Variants in PRDM11 observed in about 807,000 individuals in gnomAD.
PRDM11 encodes the protein PR domain-containing protein 11.
PRDM11 carries 20 observed loss-of-function variants against 97.8 expected under a neutral mutation model. The ratio of observed to expected loss-of-function variants is 0.20; its 90% CI spans 0.14 to 0.30. The LOEUF (loss-of-function observed/expected upper bound fraction) is 0.30, where lower values mean the gene tolerates loss of function less well. PRDM11 is among the 10% of genes least tolerant of loss of function. The pLI is 1.00. For missense variants in PRDM11, 1,139 were observed against 1,555.2 expected (o/e 0.73, Z 4.50); for synonymous variants, 599 against 637.7 (o/e 0.94, Z 0.91).
upstream of PRDM11, chr11:45,146,540 T>C (rs1565261959): frequency 6.6e-6 from 1 of 151,774 alleles, no homozygotes. Flanking sequence ...GGGAGTTTTC[T>C]CCGGGGCCGG....
intron 1 of PRDM11, among the ~76,000 whole-genome samples, chr11:45,106,138 G>C (rs1852057456): frequency 6.6e-6 from 1 of 152,180 alleles, no homozygotes; most frequent in Non-Finnish European, 1.5e-5. Context: ...CGTGGCCCCA[G>C]AGGGAAGGAA....
chr11:45,206,236 C>T (rs1208823355), intron 5 of PRDM11, among the ~76,000 whole-genome samples: 2 of 152,210 alleles, frequency 1.3e-5, no homozygotes, highest in Non-Finnish European at 2.9e-5. Context: ...CCCGGGCTCA[C>T]ACCTCCTACC....
At chr11:45,179,630 G>A (rs541418683) in intron 1 of PRDM11, among the ~76,000 whole-genome samples, 28 of 152,304 alleles carry the variant, frequency 1.8e-4, no homozygotes, top group Middle Eastern at 3.4e-3. Context: ...TCCTCATGGT[G>A]GAGAGGGCCC....
intron 5 of PRDM11, chr11:45,208,835 C>T (rs1288298878): frequency 2.5e-6 from 1 of 394,564 alleles, no homozygotes; most frequent in Non-Finnish European, 5.2e-6. Context: ...CATTGACGGT[C>T]ATTTACCCAA....
In PRDM11 at chr11:45,224,219, G is replaced by C. The variant is rs60636528; in HGVS notation, c.745G>C (p.Glu249Gln). Reference sequence around the variant, plus strand: ...TACACCCTGGTTTTCCTTCCTAGGAGAGAAGAGGTTGCAGAGGGAGAAGTC... The same window carrying C: ...TACACCCTGGTTTTCCTTCCTAGGACAGAAGAGGTTGCAGAGGGAGAAGTC... ...ETIHRNLARG[E>Q]KRLQREKSEQ... The change falls in exon 7 of 8, where the codon GAG (glutamate) becomes CAG (glutamine). Residue 249 changes from glutamate to glutamine, a missense_variant and splice_region_variant. This residue lies in a region of PRDM11 where 429 missense variants were observed against 510.3 expected (regional missense o/e 0.84). Coordinates refer to ENST00000683152, the MANE Select transcript of PRDM11 (RefSeq NM_001384648.1). 24 of 1,577,894 alleles carry C rather than the reference G, an allele frequency of 1.5e-5. No individual in the cohort carries two copies. In the East Asian group the frequency reaches 5.4e-4, roughly 35 times the overall value.
intron 2 of PRDM11, 79 bp from the exon 3 acceptor site, chr11:45,182,167 G>A: frequency 2.3e-6 from 3 of 1,293,618 alleles, no homozygotes; most frequent in Non-Finnish European, 3.3e-6. Context: ...TCCTGGCCAG[G>A]TCCCCAGCTT....
At chr11:45,108,108 G>C (rs1427835160) in intron 1 of PRDM11, among the ~76,000 whole-genome samples, 1 of 152,114 alleles carries the variant, frequency 6.6e-6, no homozygotes, top group African/African-American at 2.4e-5. Context: ...GATTACAAGC[G>C]TGAGCCACTG....
intron 1 of PRDM11, among the ~76,000 whole-genome samples, chr11:45,104,863 C>T (rs921906549): frequency 3.3e-5 from 5 of 152,176 alleles, no homozygotes; most frequent in Admixed American, 6.5e-5. Context: ...AAGCAGCTTC[C>T]CAGGCCTCCT....
rs949576150 is a variant in PRDM11, at chr11:45,224,404, G to A, written c.930G>A (p.Glu310=). ...KIDLIFKDVL[E]ASLESAKVEA... ...ACCTGATTTTCAAGGATGTTCTGGA[G>A]GCCTCACTGGAATCTGCGAAGGTGG... is the stretch of plus-strand genomic sequence containing the variant. Residue 310 remains glutamate, a synonymous_variant, in exon 7 of 8, where the codon GAG becomes GAA. Coordinates refer to ENST00000683152, the MANE Select transcript of PRDM11 (RefSeq NM_001384648.1). The A allele has an allele frequency of 1.2e-6, 2 of 1,614,072 alleles. No homozygotes were observed. The highest frequency in any genetic ancestry group is 1.1e-5 in the South Asian group (1 of 91,088).
chr11:45,214,324 T>G (rs1853889921), intron 5 of PRDM11: 1 of 151,984 alleles, frequency 6.6e-6, no homozygotes, highest in Non-Finnish European at 1.5e-5. Context: ...CTCTGTGTCC[T>G]TTTTTTTCCC....
At chr11:45,115,615 G>T (rs1254923007) in intron 1 of PRDM11, among the ~76,000 whole-genome samples, 7 of 152,122 alleles carry the variant, frequency 4.6e-5, no homozygotes, top group Non-Finnish European at 1.0e-4. Context: ...AAGACAAAAA[G>T]TTATATCATG....
chr11:45,133,170 A>C (rs1265122410), intron 1 of PRDM11, among the ~76,000 whole-genome samples: 4 of 152,224 alleles, frequency 2.6e-5, no homozygotes, highest in Non-Finnish European at 5.9e-5. Flanking sequence ...AAATAGCTCA[A>C]AAAGATAATC....
In PRDM11 at chr11:45,225,095, G is replaced by T. The variant is rs1041315981; in HGVS notation, c.1369+252G>T. On this transcript the variant is annotated intron_variant, in intron 7 of 7. Transcript: ENST00000683152. ...TAAAGGAAGTTCCGCTGCAGAAGGG[G>T]TGTGTGCTGTGTTCTTGACCCGTTG... is the stretch of plus-strand genomic sequence containing the variant. The T allele has an allele frequency of 3.5e-5, 50 of 1,432,912 alleles. 1 individual carries two copies. In the Middle Eastern group the frequency reaches 1.0e-3, roughly 29 times the overall value. The allele number at this position is 1,432,912 out of a possible 1,614,324, so 88.8% of individuals were successfully genotyped here.
chr11:45,094,170 A>T (rs1049870573), upstream of PRDM11, among the ~76,000 whole-genome samples: 1 of 152,240 alleles, frequency 6.6e-6, no homozygotes, highest in African/African-American at 2.4e-5. Flanking sequence ...GCAAGTAGCT[A>T]GCATGCAGTT....
upstream of PRDM11, among the ~76,000 whole-genome samples, chr11:45,145,629 A>G (rs1204096665): frequency 6.6e-6 from 1 of 152,158 alleles, no homozygotes; most frequent in East Asian, 1.9e-4. Flanking sequence ...TTACTGCCCC[A>G]ATTTTGGAGC....
At position 45,226,450 on chromosome 11, in the gene PRDM11, T is replaced by C; in HGVS notation, c.1825T>C (p.Phe609Leu). Reference protein sequence around the residue: ...LALEGRPYLDFRPLAELLRKC... With the variant: ...LALEGRPYLDLRPLAELLRKC... ...CTTGGAGGGCAGGCCCTACCTGGAC[T>C]TCCGGCCCCTGGCGGAGCTGCTGAG... Residue 609 changes from phenylalanine (F) to leucine (L), a missense_variant, in exon 8 of 8, where the codon TTC becomes CTC. Transcript: ENST00000683152. 1 of 1,533,876 alleles carries C rather than the reference T, an allele frequency of 6.5e-7. No homozygotes were observed. The highest frequency in any genetic ancestry group is 8.7e-7 in the Non-Finnish European group (1 of 1,146,710).
chr11:45,213,656 C>T (rs1324069956), intron 5 of PRDM11: 1 of 456,332 alleles, frequency 2.2e-6, no homozygotes, highest in African/African-American at 2.0e-5. Flanking sequence ...ATAGAGAGCA[C>T]TTTATGCTTT....
chr11:45,148,084 A>T (rs1411854620), intron 1 of PRDM11, among the ~76,000 whole-genome samples: 1 of 152,064 alleles, frequency 6.6e-6, no homozygotes, highest in African/African-American at 2.4e-5. Context: ...GTAGGGTCGT[A>T]GTTGGGGAGC....
intron 1 of PRDM11, among the ~76,000 whole-genome samples, chr11:45,171,260 C>T (rs1852195821): frequency 6.6e-6 from 1 of 152,076 alleles, no homozygotes; most frequent in African/African-American, 2.4e-5. Flanking sequence ...CCAACACGCC[C>T]AGCTAATTGT....
Sources: allele counts gnomAD v4.1 joint callset (sites outside exome capture counted in the v4.1 genomes callset), GRCh38; gene constraint gnomAD v4.1.1; regional missense constraint gnomAD v4.1.1; transcripts MANE v1.5; gene names NCBI Gene and HGNC (gene_info 2026-07-23, HGNC 2026-07-21).